The following C2CD3 variants were observed in gnomAD, a reference collection of about 807,000 sequenced individuals.
C2CD3 encodes C2 domain-containing protein 3.
C2CD3 carries 148 observed loss-of-function variants against 234.0 expected under a neutral mutation model. The observed-to-expected ratio is 0.63, with a 90% CI of 0.55 to 0.72. The LOEUF is 0.72. Among genes scored for constraint, C2CD3 ranks in the 30% least tolerant of loss-of-function variants. The pLI, the probability that C2CD3 is intolerant of heterozygous loss-of-function variation, is 0.00. For synonymous variants in C2CD3, 1,000 were observed against 1,035.4 expected, an observed-to-expected ratio of 0.97 and a Z score of 0.66; for missense variants, 2,577 against 2,811.5, an observed-to-expected ratio of 0.92 and a Z score of 1.89.
intron 24 of C2CD3, among the ~76,000 whole-genome samples, chr11:74,067,503 T>G (rs77323058): frequency 1.3e-5 from 2 of 151,800 alleles, no homozygotes; most frequent in East Asian, 3.9e-4. Context: ...AAAAAATTTT[T>G]TAAGGCTAGT....
At chr11:74,086,622 T>C (rs1364047856) in intron 20 of C2CD3, among the ~76,000 whole-genome samples, 2 of 152,198 alleles carry the variant, frequency 1.3e-5, no homozygotes, top group Non-Finnish European at 2.9e-5. Flanking sequence ...TACCTATGAA[T>C]TTTGGCCCAA....
chr11:74,035,962 C>T (rs1008874882), intron 30 of C2CD3, among the ~76,000 whole-genome samples: 57 of 152,152 alleles, frequency 3.7e-4, no homozygotes, highest in Middle Eastern at 3.4e-3. Context: ...TGCATTCAAG[C>T]GATTCTCGTG....
At chr11:74,142,533 G>T (rs1854876204) in intron 3 of C2CD3, among the ~76,000 whole-genome samples, 1 of 152,138 alleles carries the variant, frequency 6.6e-6, no homozygotes, top group Non-Finnish European at 1.5e-5. Context: ...TTAAGATAAG[G>T]ATGTGTACTA....
At chr11:74,128,698 C>G (rs1295844015) in intron 7 of C2CD3, 1 of 152,022 alleles carries the variant, frequency 6.6e-6, no homozygotes, top group Non-Finnish European at 1.5e-5. Flanking sequence ...TGCGGCCTTC[C>G]GCAGTGTTTG....
rs1956403956 is a variant in C2CD3, at chr11:74,103,634, C to T, written c.2086-9G>A. 1 of 1,599,492 alleles carries T rather than the reference C, an allele frequency of 6.3e-7. No homozygotes were observed. Among genetic ancestry groups the T allele is most frequent in the African/African-American group, 1.3e-5 (1 of 74,346 alleles). On this transcript the variant is annotated splice_polypyrimidine_tract_variant and intron_variant, in intron 13 of 32. Transcript: ENST00000334126. ...ATAAGCTCCATGGTTACCTGTAAAA[C>T]ACAAAAGGAGAAGAGTCAATAAGAA...
chr11:74,164,071 G>T, intron 2 of C2CD3: 1 of 478,062 alleles, frequency 2.1e-6, no homozygotes, highest in South Asian at 9.2e-5. Context: ...CCAATTATAA[G>T]TCCACTACAC....
chr11:74,037,349 AAAGG>A (rs1952793699), intron 30 of C2CD3, 125 bp downstream of exon 30: 2 of 762,812 alleles, frequency 2.6e-6, no homozygotes, highest in East Asian at 4.9e-5. Flanking sequence ...AAAAAAAAAA[AAAGG>A]AAGAGGGTGA....
At chr11:74,014,047 TAC>T (rs1054471449) in intron 32 of C2CD3, among the ~76,000 whole-genome samples, 5 of 152,220 alleles carry the variant, frequency 3.3e-5, no homozygotes, top group African/African-American at 1.2e-4. Context: ...ACTGCTTGGC[TAC>T]CAAACTTTGA....
At chr11:74,049,277 G>C in intron 27 of C2CD3, 60 bp downstream of exon 27, 1 of 1,391,078 alleles carries the variant, frequency 7.2e-7, no homozygotes, top group Non-Finnish European at 1.0e-6. Flanking sequence ...CATGAGTAAA[G>C]GATGTTCTTA....
At chr11:74,166,997 G>C (rs1856854985) in intron 2 of C2CD3, among the ~76,000 whole-genome samples, 2 of 152,112 alleles carry the variant, frequency 1.3e-5, no homozygotes, top group Admixed American at 1.3e-4. Flanking sequence ...AGACTGTCTA[G>C]ATGTCAACCC....
intron 7 of C2CD3, among the ~76,000 whole-genome samples, chr11:74,126,428 AC>A (rs1957416786): frequency 6.6e-6 from 1 of 152,168 alleles, no homozygotes; most frequent in East Asian, 1.9e-4. Flanking sequence ...TAATTCACAT[AC>A]CATACAATCT....
chr11:74,109,574 A>G (rs1320804137), intron 11 of C2CD3: 2 of 153,804 alleles, frequency 1.3e-5, no homozygotes, highest in African/African-American at 4.8e-5. Context: ...AAAAACTATA[A>G]TACAAAAATA....
intron 3 of C2CD3, among the ~76,000 whole-genome samples, chr11:74,157,864 G>GA (rs1856144371): frequency 6.6e-6 from 1 of 152,062 alleles, no homozygotes; most frequent in Admixed American, 6.6e-5. Flanking sequence ...CAGGGTTCTG[G>GA]AAAATTAAAT....
At chr11:74,141,710 C>G (rs1958052877) in intron 3 of C2CD3, among the ~76,000 whole-genome samples, 1 of 152,084 alleles carries the variant, frequency 6.6e-6, no homozygotes, top group Non-Finnish European at 1.5e-5. Context: ...CTGAGGAAAA[C>G]AGAGGACTAA....
chr11:74,016,869 C>G (rs924411821), intron 32 of C2CD3: 1 of 152,392 alleles, frequency 6.6e-6, no homozygotes, highest in Non-Finnish European at 1.5e-5. Context: ...CCTGGGGAGG[C>G]AGGAGGAACA....
At chr11:74,031,761 G>A (rs377549091) in intron 31 of C2CD3, among the ~76,000 whole-genome samples, 2 of 152,264 alleles carry the variant, frequency 1.3e-5, no homozygotes, top group African/African-American at 4.8e-5. Flanking sequence ...TTAGGGTCTG[G>A]GCACATGTGG....
chr11:74,170,686 TAC>T, intron 1 of C2CD3, 50 bp downstream of exon 1: 1 of 1,609,756 alleles, frequency 6.2e-7, no homozygotes, highest in Non-Finnish European at 8.5e-7. Context: ...TAAAATTCCT[TAC>T]ACCCTGCTCT....
chr11:74,119,818 TA>T (rs1460671171), intron 8 of C2CD3, among the ~76,000 whole-genome samples: 1 of 152,048 alleles, frequency 6.6e-6, no homozygotes, highest in Non-Finnish European at 1.5e-5. Context: ...GTATATTTAG[TA>T]GAGACAGGGT....
intron 16 of C2CD3, among the ~76,000 whole-genome samples, chr11:74,096,595 G>C (rs1026390278): frequency 2.0e-5 from 3 of 152,118 alleles, no homozygotes; most frequent in African/African-American, 7.2e-5. Flanking sequence ...GGCATGAGTA[G>C]AGGAGGAAAA....
Sources: gnomAD v4.1 joint callset for allele counts (sites outside exome capture counted in the v4.1 genomes callset) on GRCh38, gnomAD v4.1.1 for gene constraint, MANE v1.5 for transcripts, NCBI Gene and HGNC (gene_info 2026-07-23, HGNC 2026-07-21) for gene names.